The following TMLHE variants were observed in gnomAD, a reference collection of about 807,000 sequenced individuals.
The protein encoded by TMLHE is trimethyllysine hydroxylase, epsilon.
Under a neutral mutation model 25.7 loss-of-function variants are expected in TMLHE, and 18 were observed. That is an observed-to-expected ratio of 0.70 (90% CI 0.48 to 1.04). The LOEUF is 1.04. Ranked by LOEUF, TMLHE falls within the 50% of genes least tolerant of loss-of-function variation. TMLHE has a pLI of 0.00. For synonymous variants in TMLHE, 105 were observed against 97.0 expected, an observed-to-expected ratio of 1.08 and a Z score of -0.49; for missense variants, 236 against 259.0, an observed-to-expected ratio of 0.91 and a Z score of 0.61.
chrX:155,513,489 T>A (rs1023913646), intron 4 of TMLHE, among the ~76,000 whole-genome samples: 6 of 111,267 alleles, frequency 5.4e-5, no homozygotes, highest in African/African-American at 2.0e-4. Context: ...GCTGGCTGAA[T>A]GCTATATAGC....
At chrX:155,509,846 A>C (rs782630027) in intron 5 of TMLHE, among the ~76,000 whole-genome samples, 5 of 111,964 alleles carry the variant, frequency 4.5e-5, no homozygotes, top group African/African-American at 1.6e-4. Context: ...CTAAATGCAG[A>C]AGCAAGATCA....
intron 1 of TMLHE, among the ~76,000 whole-genome samples, chrX:155,553,852 A>G (rs1557340371): frequency 9.0e-6 from 1 of 110,585 alleles, no homozygotes; most frequent in African/African-American, 3.3e-5. Flanking sequence ...AATAACATAT[A>G]TATATGACAT....
At chrX:155,556,869 C>T (rs1327027665) in intron 1 of TMLHE, among the ~76,000 whole-genome samples, 2 of 111,646 alleles carry the variant, frequency 1.8e-5, no homozygotes, top group African/African-American at 3.3e-5. Context: ...CAGAGACCTA[C>T]CCCTAGGTGC....
rs369455186 is a variant in TMLHE, at chrX:155,548,628, A to G, written c.-1-3351T>C. 2.0e-4 allele frequency among the ~76,000 whole-genome samples: 22 copies of G among 108,267 alleles called. 1 individual carries two copies. The highest frequency in any genetic ancestry group is 1.2e-3 in the South Asian group (3 of 2,425). 94.0% of individuals were successfully genotyped at this position (108,267 alleles called of 115,157 possible). A position where few individuals can be genotyped will look rare whatever the true frequency, so the allele number is the denominator to read the frequency against. On this transcript the variant is annotated intron_variant, in intron 1 of 7. Coordinates refer to ENST00000334398, the MANE Select transcript of TMLHE (RefSeq NM_018196.4). ...CACACACCTGTATTCCCAGCTACTCAGGAGGCTGAGGCAGGAGAATCGCTT... is the reference window on the plus strand; with the variant it reads ...CACACACCTGTATTCCCAGCTACTCGGGAGGCTGAGGCAGGAGAATCGCTT...
chrX:155,548,244 TG>T (rs1400635978), intron 1 of TMLHE, among the ~76,000 whole-genome samples: 1 of 111,145 alleles, frequency 9.0e-6, no homozygotes, highest in Non-Finnish European at 1.9e-5. Flanking sequence ...AATGGACAAA[TG>T]GGATCACATC....
At chrX:155,591,327 T>C (rs2067692676) in intron 1 of TMLHE, among the ~76,000 whole-genome samples, 1 of 111,888 alleles carries the variant, frequency 8.9e-6, no homozygotes. Flanking sequence ...CAACACTATA[T>C]ACTTATGGAC....
intron 1 of TMLHE, among the ~76,000 whole-genome samples, chrX:155,590,251 G>A (rs2067687260): frequency 8.9e-6 from 1 of 111,894 alleles, no homozygotes; most frequent in African/African-American, 3.2e-5. Context: ...ATTTATGAAA[G>A]TGTATGGTTG....
chrX:155,581,375 A>G lies in TMLHE; in HGVS notation c.-2+31417T>C, dbSNP rs376516398. ...AAGGTATTTGATTAGGAAAAGAGGA[A>G]GTGAAATTGTCCCTGTTTGCAGACA... is the stretch of plus-strand genomic sequence containing the variant. On this transcript the variant is annotated intron_variant, in intron 1 of 7. Transcript: ENST00000334398. Among the ~76,000 whole-genome samples, 22 of 112,178 alleles carry G rather than the reference A, an allele frequency of 2.0e-4. No individual in the cohort carries two copies. In the South Asian group the frequency reaches 5.6e-3, roughly 28 times the overall value.
chrX:155,588,216 A>T (rs1227448367), intron 1 of TMLHE, among the ~76,000 whole-genome samples: 1 of 112,096 alleles, frequency 8.9e-6, no homozygotes, highest in African/African-American at 3.2e-5. Context: ...TATCCAACTG[A>T]TTTTTGACAA....
intron 1 of TMLHE, among the ~76,000 whole-genome samples, chrX:155,550,533 G>A (rs1281664238): frequency 1.8e-5 from 2 of 111,126 alleles, no homozygotes; most frequent in South Asian, 3.8e-4. Context: ...GGATGCACAC[G>A]AATGAAATAA....
chrX:155,599,769 C>T (rs1237354113), intron 1 of TMLHE, among the ~76,000 whole-genome samples: 1 of 111,323 alleles, frequency 9.0e-6, no homozygotes, highest in Non-Finnish European at 1.9e-5. Flanking sequence ...TATGCATACA[C>T]TTTATCCTAA....
At chrX:155,537,860 T>C (rs2067288396) in intron 2 of TMLHE, among the ~76,000 whole-genome samples, 1 of 111,744 alleles carries the variant, frequency 8.9e-6, no homozygotes, top group South Asian at 3.7e-4. Context: ...TTTTTTTAAT[T>C]GACAAATACT....
rs1448105896 is a variant in TMLHE at position 155,568,894 on chromosome X, G to A, written c.-1-23617C>T. 2.6e-3 allele frequency among the ~76,000 whole-genome samples: 161 copies of A among 61,088 alleles called. 13 individuals are homozygous for A. Among genetic ancestry groups the A allele is most frequent in the African/African-American group, 5.5e-3 (148 of 27,116 alleles). The allele number at this position is 61,088 out of a possible 115,157, so 53.0% of individuals were successfully genotyped here. The stretch of plus-strand genomic sequence containing the variant: ...ACCACAAAGATGGGGAAAAAACAGA[G>A]CAGAAAAACTGGAAACTCTAAAAAG... On this transcript the variant is annotated intron_variant, in intron 1 of 7. Transcript: ENST00000334398.
At chrX:155,543,699 C>G (rs12390919) in intron 2 of TMLHE, among the ~76,000 whole-genome samples, 150 of 112,448 alleles carry the variant, frequency 1.3e-3, no homozygotes, top group African/African-American at 4.7e-3. Context: ...ATAATTTCAA[C>G]ACCTGTGTCA....
intron 4 of TMLHE, 102 bp downstream of exon 4, chrX:155,513,884 G>C (rs1311141981): frequency 2.2e-5 from 19 of 859,429 alleles, no homozygotes; most frequent in Non-Finnish European, 3.1e-5. Context: ...AAATATTCTG[G>C]ATTGAAAACG....
chrX:155,524,589 C>G lies in TMLHE; in HGVS notation c.225G>C (p.Trp75Cys), dbSNP rs1445342542. The G allele has an allele frequency of 8.3e-7, 1 of 1,201,871 alleles. No homozygotes were observed. Among genetic ancestry groups the G allele is most frequent in the African/African-American group, 1.8e-5 (1 of 56,953 alleles). The change falls in exon 3 of 8, where the codon TGG becomes TGC. Residue 75 changes from tryptophan to cysteine, a missense_variant. Around this residue, in one of 2 missense-constraint regions of TMLHE, gnomAD observed 217 missense variants for 214.6 expected, o/e 1.01. Coordinates refer to ENST00000334398, the MANE Select transcript of TMLHE (RefSeq NM_018196.4). ...ATGCTGAGCGGCAGTGGTCTCGAAG[C>G]CAGACGTAATCAAAGCGCATCACGG... ...ANTVMRFDYVWLRDHCRSASC... is the reference protein window; with the variant it reads ...ANTVMRFDYVCLRDHCRSASC...
intron 1 of TMLHE, among the ~76,000 whole-genome samples, chrX:155,557,041 C>T (rs6642292): frequency 0.56 from 61,730 of 111,168 alleles, 14,396 homozygotes; most frequent in Middle Eastern, 0.77. Context: ...TGCTGTTATC[C>T]TGTTCTTTTT....
chrX:155,555,278 T>A (rs1557340592), intron 1 of TMLHE, among the ~76,000 whole-genome samples: 1 of 110,839 alleles, frequency 9.0e-6, no homozygotes, highest in African/African-American at 3.3e-5. Flanking sequence ...AGTCTATCAT[T>A]GATGGACATT....
intron 5 of TMLHE, among the ~76,000 whole-genome samples, 161 bp from the exon 6 acceptor site, chrX:155,507,295 T>C (rs1354032511): frequency 9.0e-6 from 1 of 110,580 alleles, no homozygotes. Flanking sequence ...TAGGCAGTTG[T>C]ACTTTTTTGT....
Sources: gnomAD v4.1 joint callset for allele counts (sites outside exome capture counted in the v4.1 genomes callset) on GRCh38, gnomAD v4.1.1 for gene constraint, gnomAD v4.1.1 regional missense constraint, MANE v1.5 for transcripts, NCBI Gene and HGNC (gene_info 2026-07-23, HGNC 2026-07-21) for gene names.